CELF2: variants seen among roughly 807,000 people sequenced by gnomAD.
CELF2 encodes CUG triplet repeat RNA-binding protein 2.
In CELF2, 8 loss-of-function variants were observed where a neutral mutation model predicts 62.6. The observed-to-expected ratio is 0.13, with a 90% CI of 0.07 to 0.23. The LOEUF is 0.23. CELF2 is among the 10% of genes least tolerant of loss of function. The pLI, the probability that CELF2 is intolerant of heterozygous loss-of-function variation, is 1.00. For missense variants in CELF2, 333 were observed against 671.0 expected (o/e 0.50, Z 5.56); for synonymous variants, 258 against 250.0 (o/e 1.03, Z -0.30).
chr10:10,730,635 C>A, the CELF2 span, among the ~76,000 whole-genome samples: 1 of 152,168 alleles, frequency 6.6e-6, no homozygotes, highest in African/African-American at 2.4e-5. Flanking sequence ...AAATATTTGC[C>A]ACGTGAAAAC....
At chr10:10,843,426 T>C (rs1564705167) in intron 1 of CELF2, among the ~76,000 whole-genome samples, 1 of 152,032 alleles carries the variant, frequency 6.6e-6, no homozygotes, top group Non-Finnish European at 1.5e-5. Flanking sequence ...ATGCAGATAA[T>C]GCTACATATT....
intron 2 of CELF2, among the ~76,000 whole-genome samples, chr10:10,971,495 C>T (rs773193022): frequency 3.3e-5 from 5 of 152,214 alleles, no homozygotes; most frequent in Admixed American, 2.6e-4. Context: ...CCCTAGTTAC[C>T]AGCCTATGTG....
At chr10:10,591,358 T>A in the CELF2 span, among the ~76,000 whole-genome samples, 3 of 152,168 alleles carry the variant, frequency 2.0e-5, no homozygotes, top group Non-Finnish European at 2.9e-5. Flanking sequence ...CAAATGTAGA[T>A]AACATGGGTA....
rs2094888256 is a variant in CELF2, at chr10:11,315,432, T to A, written c.1096+1174T>A. Among the ~76,000 whole-genome samples, 7 of 152,254 alleles carry A rather than the reference T, an allele frequency of 4.6e-5. No homozygotes were observed. In the South Asian group the frequency reaches 1.5e-3, roughly 32 times the overall value. ...AGTATACTTTTTTAAAGCAAAATAA[T>A]CCCAGTAATTTCATACTGTAAAGGC... On this transcript the variant is annotated intron_variant, in intron 10 of 12. Coordinates refer to ENST00000633077, the MANE Select transcript of CELF2 (RefSeq NM_001326342.2). The surrounding 1 kb of genome is among the most constrained non-coding windows in gnomAD (Gnocchi z 5.8).
the CELF2 span, among the ~76,000 whole-genome samples, chr10:10,612,641 C>T: frequency 2.0e-5 from 3 of 152,200 alleles, no homozygotes; most frequent in Admixed American, 6.5e-5. Context: ...AGGTCTCCAT[C>T]ACATCTTCAA....
chr10:10,935,627 C>T lies in CELF2; in HGVS notation c.89+15628C>T, dbSNP rs554999712. Among the ~76,000 whole-genome samples the T allele has an allele frequency of 6.6e-5, 10 of 152,210 alleles. No individual in the cohort carries two copies. The South Asian group carries it at 2.1e-3, about 32-fold the overall frequency. Reference sequence around the variant, plus strand: ...CTGGGAAGTTAACAAAGATATGTTCCCATTTCTAGCAATAATAAAGAACAA... The same window carrying T: ...CTGGGAAGTTAACAAAGATATGTTCTCATTTCTAGCAATAATAAAGAACAA... On this transcript the variant is annotated intron_variant, in intron 2 of 13. Transcript: ENST00000636488.
At chr10:10,789,206 T>C in the CELF2 span, among the ~76,000 whole-genome samples, 1 of 152,196 alleles carries the variant, frequency 6.6e-6, no homozygotes, top group Non-Finnish European at 1.5e-5. Context: ...CTATGGGCAG[T>C]TGAGTTTGCA....
chr10:10,574,970 G>A, the CELF2 span, among the ~76,000 whole-genome samples: 1 of 150,238 alleles, frequency 6.7e-6, no homozygotes, highest in Admixed American at 6.7e-5. Context: ...TACCCACCTT[G>A]GCCTCCGAAA....
In CELF2 at chr10:11,255,689, A is replaced by G. The variant is rs1589948302; in HGVS notation, c.404-2049A>G. 6.6e-6 allele frequency among the ~76,000 whole-genome samples: 1 copy of G among 151,722 alleles called. No homozygotes were observed. The highest frequency in any genetic ancestry group is 2.4e-5 in the African/African-American group (1 of 41,240). On this transcript the variant is annotated intron_variant, in intron 4 of 12. Coordinates refer to ENST00000633077, the MANE Select transcript of CELF2 (RefSeq NM_001326342.2). The surrounding 1 kb of genome is among the most constrained non-coding windows in gnomAD (Gnocchi z 5.5). ...TGGAAGGGATTCTGACCCCCCACTC[A>G]CCGTCCCTGCCTCAAGAGCCCCAGT...
At chr10:10,859,730 C>A (rs1488591693) in intron 1 of CELF2, among the ~76,000 whole-genome samples, 2 of 152,040 alleles carry the variant, frequency 1.3e-5, no homozygotes, top group Non-Finnish European at 2.9e-5. Context: ...TTTTCTGACT[C>A]TTACTAGAAT....
chr10:10,902,189 A>C (rs922748479), intron 1 of CELF2, among the ~76,000 whole-genome samples: 1 of 152,240 alleles, frequency 6.6e-6, no homozygotes, highest in East Asian at 1.9e-4. Flanking sequence ...CGTTTCTTAA[A>C]AAGTTAAATA....
rs553140842 is a variant in CELF2, at chr10:11,329,338, T to A, written c.*285T>A. The A allele has an allele frequency of 2.0e-4, 43 of 214,800 alleles. No homozygotes were observed. In the South Asian group the frequency reaches 6.6e-3, roughly 33 times the overall value. 13.3% of individuals were successfully genotyped at this position (214,800 alleles called of 1,614,324 possible). A position where few individuals can be genotyped will look rare whatever the true frequency, so the allele number is the denominator to read the frequency against. On this transcript the variant is annotated 3_prime_UTR_variant, in exon 13 of 13. Transcript: ENST00000633077. This position sits in a 1 kb window ranked among gnomAD's most constrained non-coding sequence, Gnocchi z 5.5. ...TTGAATCTCCTTTTACCTTTTTTTT[T>A]AATTTTTTTCATTTTTGCTTTTTTT...
chr10:10,566,497 C>T, the CELF2 span, among the ~76,000 whole-genome samples: 1 of 150,378 alleles, frequency 6.6e-6, no homozygotes, highest in Non-Finnish European at 1.5e-5. Context: ...ATACATGTGC[C>T]ATGCTGGTGC....
At chr10:11,047,663 A>C (rs971891167) in intron 1 of CELF2, among the ~76,000 whole-genome samples, 7 of 152,156 alleles carry the variant, frequency 4.6e-5, no homozygotes, top group Non-Finnish European at 4.4e-5. Context: ...TCCTTTTTGA[A>C]GCAAAAAATT....
At chr10:10,595,416 T>A in the CELF2 span, among the ~76,000 whole-genome samples, 18 of 152,240 alleles carry the variant, frequency 1.2e-4, no homozygotes, top group East Asian at 1.4e-3. Context: ...CCAGAATGAC[T>A]CAGATTTGAT....
intron 2 of CELF2, among the ~76,000 whole-genome samples, chr10:11,190,233 A>G (rs1479218748): frequency 6.6e-6 from 1 of 152,216 alleles, no homozygotes; most frequent in Admixed American, 6.5e-5. Context: ...CAGTGCGTAC[A>G]CAGTAGGCAA....
At chr10:11,278,243 G>T (rs2086867689) in intron 8 of CELF2, among the ~76,000 whole-genome samples, 1 of 152,186 alleles carries the variant, frequency 6.6e-6, no homozygotes, top group South Asian at 2.1e-4. Context: ...ATAACTTCAA[G>T]TGTGCTTTAT....
intron 1 of CELF2, among the ~76,000 whole-genome samples, chr10:10,892,482 G>A (rs1367801205): frequency 6.6e-6 from 1 of 152,082 alleles, no homozygotes; most frequent in Non-Finnish European, 1.5e-5. Flanking sequence ...TTTTGTTCCT[G>A]TAGACTGAGC....
the CELF2 span, among the ~76,000 whole-genome samples, chr10:10,637,402 C>G: frequency 2.0e-5 from 3 of 152,192 alleles, no homozygotes; most frequent in African/African-American, 4.8e-5. Flanking sequence ...CTGCACTATA[C>G]TGTCTTCCTT....
Sources: gnomAD v4.1 joint callset for allele counts (sites outside exome capture counted in the v4.1 genomes callset) on GRCh38, gnomAD v4.1.1 for gene constraint, Gnocchi (gnomAD v3.1) non-coding constraint, MANE v1.5 for transcripts, NCBI Gene and HGNC (gene_info 2026-07-23, HGNC 2026-07-21) for gene names.